Variants in CAST observed in about 807,000 individuals in gnomAD.
The protein encoded by CAST is calpastatin, also known as MIR583 host.
In CAST, 76 loss-of-function variants were observed where a neutral mutation model predicts 119.6. That is an observed-to-expected ratio of 0.64 (90% CI 0.53 to 0.77). The LOEUF is 0.77. CAST is among the 30% of genes least tolerant of loss of function. CAST has a pLI of 0.00. For synonymous variants in CAST, 319 were observed against 331.6 expected (o/e 0.96, Z 0.41); for missense variants, 953 against 946.5 (o/e 1.01, Z -0.09).
chr5:96,299,694 T>A, the CAST span, among the ~76,000 whole-genome samples: 1 of 152,210 alleles, frequency 6.6e-6, no homozygotes, highest in East Asian at 1.9e-4. Flanking sequence ...ATCCATAGCA[T>A]GTGGTTTGGT....
the CAST span, among the ~76,000 whole-genome samples, chr5:96,518,802 CAGG>C: frequency 1.3e-5 from 2 of 152,180 alleles, no homozygotes; most frequent in East Asian, 3.9e-4. Context: ...ATCATGGGGT[CAGG>C]AGTTCAAGAT....
chr5:95,982,331 G>A, the CAST span, among the ~76,000 whole-genome samples: 1 of 151,968 alleles, frequency 6.6e-6, no homozygotes, highest in Non-Finnish European at 1.5e-5. Flanking sequence ...GTGTGTGTGT[G>A]TGTAGTTATA....
At chr5:96,172,390 G>A in the CAST span, among the ~76,000 whole-genome samples, 1 of 152,196 alleles carries the variant, frequency 6.6e-6, no homozygotes, top group Non-Finnish European at 1.5e-5. Context: ...CAGGGGATAT[G>A]ATGGCTTAGC....
chr5:96,389,862 G>A, the CAST span, among the ~76,000 whole-genome samples: 3 of 152,136 alleles, frequency 2.0e-5, no homozygotes, highest in Non-Finnish European at 4.4e-5. Context: ...TTGAGCCTGG[G>A]ATGTGGAGGC....
At chr5:96,580,722 C>T (rs1227253846) in intron 1 of CAST, among the ~76,000 whole-genome samples, 1 of 152,196 alleles carries the variant, frequency 6.6e-6, no homozygotes, top group Non-Finnish European at 1.5e-5. Context: ...GAAAGCATCA[C>T]ATCTTAAGAG....
chr5:96,334,013 C>T, the CAST span, among the ~76,000 whole-genome samples: 5 of 152,298 alleles, frequency 3.3e-5, no homozygotes, highest in South Asian at 1.0e-3. Flanking sequence ...CTCACTTCAA[C>T]ACCCATTTCA....
At chr5:96,089,654 G>T in the CAST span, among the ~76,000 whole-genome samples, 1 of 152,154 alleles carries the variant, frequency 6.6e-6, no homozygotes, top group Non-Finnish European at 1.5e-5. Flanking sequence ...ATACATGTGC[G>T]TGTTTTTGTT....
chr5:96,740,752 A>G lies in CAST; in HGVS notation c.887A>G (p.Glu296Gly), dbSNP rs76096010. The G allele has an allele frequency of 9.9e-5, 158 of 1,599,412 alleles. No homozygotes were observed. In the African/African-American group the frequency reaches 2.0e-3, roughly 20 times the overall value. The change falls in exon 13 of 32, where the codon GAA (glutamate) becomes GGA (glycine). Residue 296 changes from glutamate to glycine, a missense_variant. Transcript: ENST00000675179. ...AATTAATATTTGTTTCAGAAAAAGG[A>G]AGGGATCACAGGGCCTCCTGCAGAC... ...PKYRELLAKK[E>G]GITGPPADSS...
chr5:96,642,464 G>C (rs969013719), intron 1 of CAST, among the ~76,000 whole-genome samples: 7 of 151,834 alleles, frequency 4.6e-5, no homozygotes, highest in Non-Finnish European at 1.0e-4. Context: ...GAGGAGAACT[G>C]TTTAAACACT....
Position 96,754,517 on chromosome 5 carries a change from C to A in CAST, c.1627-141C>A, listed in dbSNP as rs1262189975. The A allele has an allele frequency of 4.7e-6, 3 of 631,852 alleles. No homozygotes were observed. The East Asian group carries it at 8.1e-5, about 17-fold the overall frequency. The allele number at this position is 631,852 out of a possible 1,614,324, so 39.1% of individuals were successfully genotyped here. ...TGCCTGAGTCTGCCAGATGAAGTTG[C>A]TGTAGGAGCACTAAGCATACGGTCA... On this transcript the variant is annotated intron_variant, in intron 21 of 31. Coordinates refer to ENST00000675179, the MANE Select transcript of CAST (RefSeq NM_001750.7).
chr5:96,558,364 A>G (rs1488405410), intron 1 of CAST, among the ~76,000 whole-genome samples: 1 of 146,972 alleles, frequency 6.8e-6, no homozygotes, highest in Non-Finnish European at 1.5e-5. Flanking sequence ...TCAGAGCAGA[A>G]CTGAAGGAAA....
the CAST span, among the ~76,000 whole-genome samples, chr5:96,074,667 G>A: frequency 5.3e-5 from 8 of 152,180 alleles, no homozygotes; most frequent in Non-Finnish European, 8.8e-5. Context: ...GCAAAATGAC[G>A]AATGAGAAGG....
At chr5:96,633,073 G>C (rs1250740949) in intron 1 of CAST, among the ~76,000 whole-genome samples, 1 of 152,180 alleles carries the variant, frequency 6.6e-6, no homozygotes, top group East Asian at 1.9e-4. Context: ...CTGGGTTCAA[G>C]TGATTCTCCT....
At chr5:96,177,223 A>G in the CAST span, among the ~76,000 whole-genome samples, 1 of 152,190 alleles carries the variant, frequency 6.6e-6, no homozygotes, top group Non-Finnish European at 1.5e-5. Flanking sequence ...ATTCCAAATT[A>G]CCACCAACTT....
the CAST span, among the ~76,000 whole-genome samples, chr5:96,309,207 T>A: frequency 6.6e-6 from 1 of 152,364 alleles, no homozygotes; most frequent in African/African-American, 2.4e-5. Context: ...TGAGCTGCAG[T>A]GGGCTCCGCC....
chr5:96,762,609 T>C, intron 25 of CAST: 1 of 417,852 alleles, frequency 2.4e-6, no homozygotes. Context: ...GACCTTAATA[T>C]TATTGTTGCT....
chr5:96,063,637 G>A, the CAST span, among the ~76,000 whole-genome samples: 1 of 152,272 alleles, frequency 6.6e-6, no homozygotes, highest in Middle Eastern at 3.4e-3. Context: ...TTTACACGCA[G>A]ACACACAATG....
the CAST span, chr5:96,410,708 G>A: frequency 7.1e-6 from 9 of 1,271,934 alleles, no homozygotes; most frequent in Non-Finnish European, 8.1e-6. Flanking sequence ...TCAGTTAGGG[G>A]AATCATTTCA....
the CAST span, among the ~76,000 whole-genome samples, chr5:96,070,326 T>C: frequency 6.6e-6 from 1 of 152,196 alleles, no homozygotes; most frequent in East Asian, 1.9e-4. Context: ...AACTAGACAT[T>C]TATTAATCAA....
Sources: allele counts gnomAD v4.1 joint callset (sites outside exome capture counted in the v4.1 genomes callset), GRCh38; gene constraint gnomAD v4.1.1; transcripts MANE v1.5; gene names NCBI Gene and HGNC (gene_info 2026-07-23, HGNC 2026-07-21).